The following GAREM1 variants were observed in gnomAD, a reference collection of about 807,000 sequenced individuals.
The protein encoded by GAREM1 is GRB2 associated regulator of MAPK1 subtype 1.
A neutral mutation model predicts 71.3 loss-of-function variants in GAREM1; 26 were observed. That is an observed-to-expected ratio of 0.36 (90% CI 0.27 to 0.51). The LOEUF (loss-of-function observed/expected upper bound fraction) is 0.51, where lower values mean the gene tolerates loss of function less well. Among genes scored for constraint, GAREM1 ranks in the 20% least tolerant of loss-of-function variants. The pLI, the probability that GAREM1 is intolerant of heterozygous loss-of-function variation, is 0.95. For missense variants in GAREM1, 1,026 were observed against 1,103.1 expected (o/e 0.93, Z 0.99); for synonymous variants, 440 against 433.2 (o/e 1.02, Z -0.20).
At chr18:32,352,765 GA>G (rs2047764593) in intron 2 of GAREM1, among the ~76,000 whole-genome samples, 1 of 152,140 alleles carries the variant, frequency 6.6e-6, no homozygotes, top group Non-Finnish European at 1.5e-5. Context: ...GAGAAGGAAA[GA>G]ATCTCCATGG....
At chr18:32,412,633 ACAGGG>A (rs2144686229) in intron 1 of GAREM1, 1 of 1,429,980 alleles carries the variant, frequency 7.0e-7, no homozygotes, top group Non-Finnish European at 9.7e-7. Flanking sequence ...TCTTGCTTTG[ACAGGG>A]CTTTTCTAAC....
intron 3 of GAREM1, among the ~76,000 whole-genome samples, chr18:32,308,159 T>C (rs1005130238): frequency 5.3e-5 from 8 of 152,190 alleles, no homozygotes; most frequent in Non-Finnish European, 2.9e-5. Context: ...GTTTTATGGA[T>C]GCTATAAGCT....
intron 1 of GAREM1, among the ~76,000 whole-genome samples, chr18:32,436,268 G>A (rs2048677286): frequency 6.6e-6 from 1 of 152,184 alleles, no homozygotes; most frequent in African/African-American, 2.4e-5. Context: ...GAACCAACCT[G>A]TGGACCTCTG....
chr18:32,464,839 T>A (rs901156005), intron 1 of GAREM1, among the ~76,000 whole-genome samples: 21 of 116,052 alleles, frequency 1.8e-4, no homozygotes, highest in Non-Finnish European at 3.1e-4. Context: ...ATAAGTAGAA[T>A]GTAAGCACCA....
chr18:32,271,511 G>A (rs1418728241), intron 4 of GAREM1, among the ~76,000 whole-genome samples: 3 of 152,170 alleles, frequency 2.0e-5, no homozygotes, highest in Admixed American at 6.5e-5. Context: ...AAATATGAGT[G>A]TGTATCATCT....
At chr18:32,385,960 A>G (rs1263532066) in intron 2 of GAREM1, among the ~76,000 whole-genome samples, 1 of 152,174 alleles carries the variant, frequency 6.6e-6, no homozygotes, top group Non-Finnish European at 1.5e-5. Flanking sequence ...CACTAAATAA[A>G]TTTTAGTTAT....
chr18:32,445,684 T>C (rs1417195153), intron 1 of GAREM1, among the ~76,000 whole-genome samples: 1 of 152,170 alleles, frequency 6.6e-6, no homozygotes, highest in African/African-American at 2.4e-5. Context: ...TATGTGTAAA[T>C]ATGATTTAGT....
At chr18:32,317,054 T>C (rs975520135) in intron 2 of GAREM1, among the ~76,000 whole-genome samples, 1 of 152,186 alleles carries the variant, frequency 6.6e-6, no homozygotes, top group African/African-American at 2.4e-5. Context: ...TGCTGACTTC[T>C]GTCCTGCTGG....
intron 1 of GAREM1, among the ~76,000 whole-genome samples, chr18:32,465,215 C>G (rs951918984): frequency 6.6e-6 from 1 of 151,924 alleles, no homozygotes; most frequent in African/African-American, 2.4e-5. Context: ...GAACATCTTC[C>G]AAGAGCAAAA....
chr18:32,349,247 A>G (rs547171900), intron 2 of GAREM1, among the ~76,000 whole-genome samples: 2 of 152,330 alleles, frequency 1.3e-5, no homozygotes, highest in South Asian at 2.1e-4. Flanking sequence ...TGAACTCTTC[A>G]TGGCCCTCTG....
intron 2 of GAREM1, among the ~76,000 whole-genome samples, chr18:32,346,060 G>A (rs1021649956): frequency 3.3e-5 from 5 of 151,964 alleles, no homozygotes; most frequent in South Asian, 2.1e-4. Context: ...AATATATCAC[G>A]TATAGTTACT....
Position 32,368,202 on chromosome 18 carries a change from G to T in GAREM1, c.262+24693C>A, listed in dbSNP as rs963867219. Among the ~76,000 whole-genome samples, 4 of 151,918 alleles carry T rather than the reference G, an allele frequency of 2.6e-5. No individual in the cohort carries two copies. The South Asian group carries it at 8.3e-4, about 32-fold the overall frequency. ...TCATGGTATTCCTCAATAGATTCAG[G>T]CACTTTTGACTTATGCTGGAACTTG... On this transcript the variant is annotated intron_variant, in intron 2 of 5. Transcript: ENST00000269209.
At chr18:32,314,214 G>A (rs1269330736) in intron 2 of GAREM1, among the ~76,000 whole-genome samples, 2 of 151,768 alleles carry the variant, frequency 1.3e-5, no homozygotes, top group Admixed American at 6.6e-5. Context: ...TAACAATTAT[G>A]GTGTTCTACA....
chr18:32,436,744 C>T (rs2048683247), intron 1 of GAREM1, among the ~76,000 whole-genome samples: 1 of 152,098 alleles, frequency 6.6e-6, no homozygotes, highest in Non-Finnish European at 1.5e-5. Flanking sequence ...CAGTTTCAAA[C>T]CTAAAATGGA....
At chr18:32,333,688 T>C (rs1461313782) in intron 2 of GAREM1, among the ~76,000 whole-genome samples, 5 of 152,174 alleles carry the variant, frequency 3.3e-5, no homozygotes, top group Non-Finnish European at 1.5e-5. Context: ...TGTGAAGAGG[T>C]GGCTCCATGG....
chr18:32,300,344 C>T (rs777424995), intron 3 of GAREM1, among the ~76,000 whole-genome samples: 6 of 152,058 alleles, frequency 3.9e-5, no homozygotes, highest in South Asian at 2.1e-4. Context: ...GTATTTTAAA[C>T]GAGGAATGGT....
At position 32,287,219 on chromosome 18, in the gene GAREM1, C is replaced by T; in HGVS notation, c.1378G>A (p.Glu460Lys). Reference protein sequence around the residue: ...ELPYEELWLEEGKPSHQPLTR... With the variant: ...ELPYEELWLEKGKPSHQPLTR... ...AGAGGCTGATGGCTGGGCTTGCCTTCCTCCAGCCACAGCTCTTCGTAGGGA... is the reference window on the plus strand; with the variant it reads ...AGAGGCTGATGGCTGGGCTTGCCTTTCTCCAGCCACAGCTCTTCGTAGGGA... Residue 460 changes from glutamate to lysine, a missense_variant, in exon 4 of 6, where the codon GAA becomes AAA. By Grantham distance (56) the Glu-to-Lys change is moderately conservative. Around this residue, in one of 3 missense-constraint regions of GAREM1, gnomAD observed 636 missense variants for 631.2 expected, o/e 1.01. Transcript: ENST00000269209. This position sits in a 1 kb window ranked among gnomAD's most constrained non-coding sequence, Gnocchi z 5.9. 1.2e-6 allele frequency: 2 copies of T among 1,614,234 alleles called. No individual in the cohort carries two copies. Among genetic ancestry groups the T allele is most frequent in the Non-Finnish European group, 1.7e-6 (2 of 1,180,046 alleles).
intron 2 of GAREM1, among the ~76,000 whole-genome samples, chr18:32,382,990 G>A (rs972694673): frequency 3.3e-5 from 5 of 152,154 alleles, no homozygotes; most frequent in Non-Finnish European, 7.3e-5. Context: ...GGCATGAATG[G>A]AAAAACGGAA....
intron 1 of GAREM1, among the ~76,000 whole-genome samples, chr18:32,405,515 CT>C (rs887936318): frequency 1.4e-4 from 22 of 152,274 alleles, no homozygotes; most frequent in African/African-American, 5.1e-4. Flanking sequence ...ACAATTTAAA[CT>C]TTTTTCAAAA....
Sources: allele counts gnomAD v4.1 joint callset (sites outside exome capture counted in the v4.1 genomes callset), GRCh38; gene constraint gnomAD v4.1.1; regional missense constraint gnomAD v4.1.1; non-coding constraint Gnocchi (gnomAD v3.1); transcripts MANE v1.5; gene names NCBI Gene and HGNC (gene_info 2026-07-23, HGNC 2026-07-21).